Variants in HNRNPM observed in about 807,000 individuals in gnomAD.
The protein encoded by HNRNPM is CEA receptor.
Under a neutral mutation model 73.1 loss-of-function variants are expected in HNRNPM, and 11 were observed. That is an observed-to-expected ratio of 0.15 (90% CI 0.09 to 0.25). HNRNPM has a LOEUF of 0.25. HNRNPM is among the 10% of genes least tolerant of loss of function. The pLI is 1.00. For synonymous variants in HNRNPM, 407 were observed against 355.2 expected (o/e 1.15, Z -1.64); for missense variants, 789 against 1,067.9 (o/e 0.74, Z 3.64).
intron 10 of HNRNPM, among the ~76,000 whole-genome samples, chr19:8,472,046 C>A (rs1225976842): frequency 7.9e-5 from 12 of 152,088 alleles, no homozygotes; most frequent in Admixed American, 7.9e-4. Context: ...TGGCGCACGC[C>A]TGTAATCCCA....
chr19:8,447,507 G>A (rs1968285504), intron 1 of HNRNPM, among the ~76,000 whole-genome samples: 1 of 152,132 alleles, frequency 6.6e-6, no homozygotes, highest in African/African-American at 2.4e-5. Flanking sequence ...GAAGACGTGT[G>A]GAAGTGGAGG....
intron 12 of HNRNPM, 40 bp from the exon 13 acceptor site, chr19:8,483,118 A>G: frequency 7.6e-7 from 1 of 1,313,808 alleles, no homozygotes; most frequent in Non-Finnish European, 1.1e-6. Context: ...ATTGCCATAG[A>G]GGAATTTGGC....
In HNRNPM at chr19:8,473,672, A is replaced by G. The variant is rs2145706647; in HGVS notation, c.1006A>G (p.Met336Val). 1.9e-6 allele frequency: 3 copies of G among 1,570,048 alleles called. No individual in the cohort carries two copies. Among genetic ancestry groups the G allele is most frequent in the Non-Finnish European group, 2.6e-6 (3 of 1,141,782 alleles). Residue 336 changes from methionine to valine, a missense_variant, in exon 11 of 16, where the codon ATG (methionine) becomes GTG (valine). Met to Val is a conservative substitution (Grantham distance 21). This residue lies in a region of HNRNPM where 604 missense variants were observed against 744.0 expected (regional missense o/e 0.81). Coordinates refer to ENST00000325495, the MANE Select transcript of HNRNPM (RefSeq NM_005968.5). Reference sequence around the variant, plus strand: ...GACTTTTTCTTTTTAAGGAATGGGAATGGAAGGCATAGGATTTGGAATAAA... The same window carrying G: ...GACTTTTTCTTTTTAAGGAATGGGAGTGGAAGGCATAGGATTTGGAATAAA... ...MGNIGPAGMG[M>V]EGIGFGINKM...
intron 1 of HNRNPM, among the ~76,000 whole-genome samples, chr19:8,452,847 G>A (rs981756719): frequency 2.6e-5 from 4 of 152,038 alleles, no homozygotes; most frequent in Non-Finnish European, 5.9e-5. Flanking sequence ...AAGTAAATAC[G>A]TTACTATTTT....
intron 7 of HNRNPM, 115 bp downstream of exon 7, chr19:8,466,503 A>AGGGG: frequency 9.7e-7 from 1 of 1,026,500 alleles, no homozygotes. Context: ...TTATGTGACT[A>AGGGG]GGGGGAGTGC....
In HNRNPM at chr19:8,483,140, T is replaced by C; in HGVS notation, c.1121-18T>C. 6.3e-7 allele frequency: 1 copy of C among 1,588,822 alleles called. No homozygotes were observed. The highest frequency in any genetic ancestry group is 8.6e-7 in the Non-Finnish European group (1 of 1,160,170). Reference sequence around the variant, plus strand: ...TAGAGGAATTTGGCTAATTTTTTTTTCTTCCTGATTTCCTTAGAAATCCTA... The same window carrying C: ...TAGAGGAATTTGGCTAATTTTTTTTCCTTCCTGATTTCCTTAGAAATCCTA... On this transcript the variant is annotated intron_variant, in intron 12 of 15. Transcript: ENST00000325495.
chr19:8,469,643 A>C (rs1325925865), intron 9 of HNRNPM, among the ~76,000 whole-genome samples: 1 of 152,262 alleles, frequency 6.6e-6, no homozygotes, highest in Non-Finnish European at 1.5e-5. Flanking sequence ...TAGATAAGCC[A>C]GAGGCTGGAA....
intron 1 of HNRNPM, 179 bp downstream of exon 1, chr19:8,445,290 TC>T: frequency 2.1e-6 from 1 of 484,040 alleles, no homozygotes; most frequent in Non-Finnish European, 3.4e-6. Flanking sequence ...CGGGGGAGCC[TC>T]CAGAATCGTC....
At chr19:8,451,950 C>T (rs1469218573) in intron 1 of HNRNPM, among the ~76,000 whole-genome samples, 1 of 152,140 alleles carries the variant, frequency 6.6e-6, no homozygotes, top group African/African-American at 2.4e-5. Context: ...TTGGAAATGA[C>T]AAGAGATAGT....
Position 8,487,095 on chromosome 19 carries a change from T to TTGTAGG in HNRNPM, c.2029+23_2029+28dup. 1 of 1,603,668 alleles carries TTGTAGG rather than the reference T, an allele frequency of 6.2e-7. No homozygotes were observed. The highest frequency in any genetic ancestry group is 8.5e-7 in the Non-Finnish European group (1 of 1,170,448). On this transcript the variant is annotated intron_variant, in intron 15 of 15. Transcript: ENST00000325495. Reference sequence around the variant, plus strand: ...AGTGCGGTAAGTGTTGGGAACGGCTTTGTAGGTGCTTCCCTCGTGCTTGTT... The same window carrying TTGTAGG: ...AGTGCGGTAAGTGTTGGGAACGGCTTTGTAGGTGTAGGTGCTTCCCTCGTGCTTGTT...
chr19:8,447,768 T>C (rs1017190352), intron 1 of HNRNPM, among the ~76,000 whole-genome samples: 1 of 152,124 alleles, frequency 6.6e-6, no homozygotes, highest in Non-Finnish European at 1.5e-5. Flanking sequence ...GGCTCACGCC[T>C]GTAATCTCAG....
chr19:8,485,916 C>T lies in HNRNPM; in HGVS notation c.1488C>T (p.Arg496=). 6.2e-7 allele frequency: 1 copy of T among 1,605,360 alleles called. No individual in the cohort carries two copies. Among genetic ancestry groups the T allele is most frequent in the Non-Finnish European group, 8.5e-7 (1 of 1,179,594 alleles). Residue 496 remains arginine (R), a synonymous_variant, in exon 14 of 16, where the codon CGC becomes CGT. Transcript: ENST00000325495. ...CCGGCATGGGCTTCGGCCTTGAGCG[C>T]ATGGCCGCTCCCATCGACCGTGTGG... ...MGAGMGFGLE[R]MAAPIDRVGQ...
rs1248542121 is a variant in HNRNPM, at chr19:8,455,685, C to G, written c.283+111C>G. 3 of 741,216 alleles carry G rather than the reference C, an allele frequency of 4.0e-6. No homozygotes were observed. In the Admixed American group the frequency reaches 8.0e-5, roughly 20 times the overall value. The allele number at this position is 741,216 out of a possible 1,614,324, so 45.9% of individuals were successfully genotyped here. A position where few individuals can be genotyped will look rare whatever the true frequency, so the allele number is the denominator to read the frequency against. On this transcript the variant is annotated intron_variant, in intron 2 of 15. Coordinates refer to ENST00000325495, the MANE Select transcript of HNRNPM (RefSeq NM_005968.5). ...GAAGCGGCTCTGGGTAGAGCATGTT[C>G]TTTCCAGGCTTAAGAGTGAAGCCCC...
Position 8,466,167 on chromosome 19 carries a change from TGTA to T in HNRNPM, c.631-64_631-62del. ...TTCCAACCAAAGCATGTATCATTCA[TGTA>T]GTAAAAATGTTGTGTTTCTTAAGAT... On this transcript the variant is annotated intron_variant, in intron 6 of 15. Transcript: ENST00000325495. 2.1e-6 allele frequency: 3 copies of T among 1,429,714 alleles called. No homozygotes were observed. The African/African-American group carries it at 4.3e-5, about 20-fold the overall frequency. 88.6% of individuals were successfully genotyped at this position (1,429,714 alleles called of 1,614,324 possible).
chr19:8,470,853 G>T (rs1970078813), intron 9 of HNRNPM, among the ~76,000 whole-genome samples: 1 of 152,144 alleles, frequency 6.6e-6, no homozygotes, highest in South Asian at 2.1e-4. Flanking sequence ...ACATACATTA[G>T]CTTCATTGTT....
At chr19:8,473,456 G>GT (rs1173907465) in intron 10 of HNRNPM, among the ~76,000 whole-genome samples, 1 of 148,532 alleles carries the variant, frequency 6.7e-6, no homozygotes, top group Non-Finnish European at 1.5e-5. Context: ...GCAATACTGT[G>GT]TTTAAAAAAA....
In HNRNPM at chr19:8,487,127, G is replaced by T. The variant is rs770627064; in HGVS notation, c.2029+52G>T. On this transcript the variant is annotated intron_variant, in intron 15 of 15. Coordinates refer to ENST00000325495, the MANE Select transcript of HNRNPM (RefSeq NM_005968.5). ...TGCTTCCCTCGTGCTTGTTGGTGAC[G>T]CAGCCGAGTCAGCAGCAAAACCTCC... is the stretch of plus-strand genomic sequence containing the variant. The T allele has an allele frequency of 7.4e-6, 11 of 1,486,538 alleles. No homozygotes were observed. The Admixed American group carries it at 1.7e-4, about 23-fold the overall frequency. The allele number at this position is 1,486,538 out of a possible 1,614,324, so 92.1% of individuals were successfully genotyped here.
At chr19:8,487,126 C>T (rs375259483) in intron 15 of HNRNPM, 51 bp downstream of exon 15, 21 of 1,499,818 alleles carry the variant, frequency 1.4e-5, no homozygotes, top group African/African-American at 5.5e-5. Flanking sequence ...TTGTTGGTGA[C>T]GCAGCCGAGT....
Position 8,455,471 on chromosome 19 carries a change from C to T in HNRNPM, c.180C>T (p.Arg60=). 6.2e-7 allele frequency: 1 copy of T among 1,613,874 alleles called. No homozygotes were observed. Among genetic ancestry groups the T allele is most frequent in the Non-Finnish European group, 8.5e-7 (1 of 1,179,772 alleles). ...AAAACATAAAAAGAGGAGGCAATCG[C>T]TTTGAGCCATATGCCAATCCAACTA... ...KEKNIKRGGN[R]FEPYANPTKR... The change falls in exon 2 of 16, where the codon CGC becomes CGT. Residue 60 remains arginine (R), a synonymous_variant. Coordinates refer to ENST00000325495, the MANE Select transcript of HNRNPM (RefSeq NM_005968.5).
Sources: gnomAD v4.1 joint callset for allele counts (sites outside exome capture counted in the v4.1 genomes callset) on GRCh38, gnomAD v4.1.1 for gene constraint, gnomAD v4.1.1 regional missense constraint, MANE v1.5 for transcripts, NCBI Gene and HGNC (gene_info 2026-07-23, HGNC 2026-07-21) for gene names.